Variants in ARK2C observed in about 807,000 individuals in gnomAD.
ARK2C encodes arkadia (RNF111) C-terminal like ring finger ubiquitin ligase 2C.
At chr18:46,358,349 G>C in the ARK2C span, among the ~76,000 whole-genome samples, 1 of 152,312 alleles carries the variant, frequency 6.6e-6, no homozygotes, top group East Asian at 1.9e-4. Flanking sequence ...GGAAGTGAAC[G>C]AGTGAAGGAC....
chr18:46,424,308 T>C, the ARK2C span, among the ~76,000 whole-genome samples: 1 of 151,218 alleles, frequency 6.6e-6, no homozygotes, highest in Non-Finnish European at 1.5e-5. Flanking sequence ...CCCCTGGGGG[T>C]CTGGGAGAGA....
the ARK2C span, among the ~76,000 whole-genome samples, chr18:46,379,608 T>C: frequency 6.6e-6 from 1 of 152,216 alleles, no homozygotes; most frequent in Non-Finnish European, 1.5e-5. Flanking sequence ...AAGTCGCTCT[T>C]TGAAGCCACC....
At chr18:46,446,369 A>G in the ARK2C span, among the ~76,000 whole-genome samples, 1 of 152,200 alleles carries the variant, frequency 6.6e-6, no homozygotes, top group African/African-American at 2.4e-5. Flanking sequence ...TTTATTTACT[A>G]GTTTTCAAAA....
At chr18:46,462,840 T>A in the ARK2C span, 1 of 152,358 alleles carries the variant, frequency 6.6e-6, no homozygotes, top group African/African-American at 2.4e-5. Context: ...TGGAGCCAGC[T>A]GCACCAGCCC....
the ARK2C span, chr18:46,450,914 G>A: frequency 1.3e-5 from 10 of 741,714 alleles, no homozygotes; most frequent in African/African-American, 6.9e-5. Flanking sequence ...AGAAACCTTT[G>A]CTCTGGTTAG....
At chr18:46,373,579 G>A in the ARK2C span, among the ~76,000 whole-genome samples, 57 of 152,326 alleles carry the variant, frequency 3.7e-4, no homozygotes, top group African/African-American at 1.3e-3. Flanking sequence ...GTGCCTGGAC[G>A]CTGAGGGCTT....
At chr18:46,408,451 G>A in the ARK2C span, among the ~76,000 whole-genome samples, 8 of 152,204 alleles carry the variant, frequency 5.3e-5, no homozygotes, top group African/African-American at 1.7e-4. Context: ...GTCCATAGAG[G>A]TTAAAGAGCA....
the ARK2C span, chr18:46,334,452 G>T: frequency 1.2e-6 from 1 of 847,752 alleles, no homozygotes; most frequent in Non-Finnish European, 1.6e-6. The surrounding 1 kb of genome is among the most constrained non-coding windows in gnomAD (Gnocchi z 4.4). Context: ...GACGCAGGGC[G>T]AGCGGTGGCT....
At chr18:46,354,582 CCT>C in the ARK2C span, among the ~76,000 whole-genome samples, 1 of 152,240 alleles carries the variant, frequency 6.6e-6, no homozygotes, top group African/African-American at 2.4e-5. Flanking sequence ...TCTGCCCGAT[CCT>C]CTCTAGAGTT....
chr18:46,423,346 C>T, the ARK2C span, among the ~76,000 whole-genome samples: 1 of 152,182 alleles, frequency 6.6e-6, no homozygotes, highest in Non-Finnish European at 1.5e-5. Flanking sequence ...TCAGCCATTC[C>T]TCAGCATCTC....
chr18:46,388,256 A>T, the ARK2C span, among the ~76,000 whole-genome samples: 1 of 152,140 alleles, frequency 6.6e-6, no homozygotes, highest in East Asian at 1.9e-4. Context: ...TAACTCGAAG[A>T]TTCACCACTC....
At chr18:46,353,770 G>A in the ARK2C span, among the ~76,000 whole-genome samples, 2 of 152,114 alleles carry the variant, frequency 1.3e-5, no homozygotes, top group African/African-American at 4.8e-5. Context: ...GAAAGGAAAC[G>A]GGCCCTCCAG....
the ARK2C span, among the ~76,000 whole-genome samples, chr18:46,426,380 C>T: frequency 2.0e-5 from 3 of 152,338 alleles, no homozygotes; most frequent in African/African-American, 7.2e-5. Flanking sequence ...TTTCCTTTCC[C>T]TCCCCTATGG....
At chr18:46,406,697 C>T in the ARK2C span, among the ~76,000 whole-genome samples, 1 of 152,226 alleles carries the variant, frequency 6.6e-6, no homozygotes, top group Non-Finnish European at 1.5e-5. Flanking sequence ...CATGTGGGCT[C>T]ACAGTGTACA....
At chr18:46,417,100 C>A in the ARK2C span, among the ~76,000 whole-genome samples, 1 of 152,212 alleles carries the variant, frequency 6.6e-6, no homozygotes, top group Admixed American at 6.5e-5. Context: ...GGTTTTACAT[C>A]CAATCCATGA....
At chr18:46,456,597 C>T in the ARK2C span, 1 of 1,614,090 alleles carries the variant, frequency 6.2e-7, no homozygotes, top group Non-Finnish European at 8.5e-7. Context: ...GCCCCATCTG[C>T]CGAGTGGACA....
chr18:46,334,357 G>A, the ARK2C span: 2 of 1,578,950 alleles, frequency 1.3e-6, no homozygotes, highest in African/African-American at 1.4e-5. The surrounding 1 kb of genome is among the most constrained non-coding windows in gnomAD (Gnocchi z 4.4). Flanking sequence ...TCCTTTCGGG[G>A]TCTGCTTCGG....
the ARK2C span, among the ~76,000 whole-genome samples, chr18:46,346,246 G>A: frequency 6.6e-6 from 1 of 152,178 alleles, no homozygotes; most frequent in Non-Finnish European, 1.5e-5. Context: ...GGTGGGAAGG[G>A]GATCTTCTGA....
chr18:46,376,906 G>T, the ARK2C span, among the ~76,000 whole-genome samples: 2 of 152,144 alleles, frequency 1.3e-5, no homozygotes, highest in Non-Finnish European at 2.9e-5. Flanking sequence ...CTGATCTCGC[G>T]ATCTGCCCGC....
Sources: allele counts gnomAD v4.1 joint callset (sites outside exome capture counted in the v4.1 genomes callset), GRCh38; gene constraint gnomAD v4.1.1; non-coding constraint Gnocchi (gnomAD v3.1); transcripts MANE v1.5; gene names NCBI Gene and HGNC (gene_info 2026-07-23, HGNC 2026-07-21).